GATAD2A: variants seen among roughly 807,000 people sequenced by gnomAD.
GATAD2A encodes the protein GATA zinc finger domain containing 2A.
GATAD2A carries 12 observed loss-of-function variants against 68.5 expected under a neutral mutation model. That is an observed-to-expected ratio of 0.18 (90% confidence interval 0.11 to 0.28). The LOEUF (loss-of-function observed/expected upper bound fraction) is 0.28. GATAD2A is among the 10% of genes least tolerant of loss of function. The pLI is 1.00. For missense variants in GATAD2A, 755 were observed against 868.5 expected, an observed-to-expected ratio of 0.87 and a Z score of 1.64; for synonymous variants, 410 against 375.3, an observed-to-expected ratio of 1.09 and a Z score of -1.07.
Position 19,471,656 on chromosome 19 carries a change from C to T in GATAD2A, c.269+6042C>T, listed in dbSNP as rs1016914391. On this transcript the variant is annotated intron_variant, in intron 2 of 11. Coordinates refer to ENST00000683918, the MANE Select transcript of GATAD2A (RefSeq NM_001384528.1). ...GTACTCTTACGGTGGCTGAATTTTGCGGTATGTAAAGTATACCTCAATATG... is the reference window on the plus strand; with the variant it reads ...GTACTCTTACGGTGGCTGAATTTTGTGGTATGTAAAGTATACCTCAATATG... Among the ~76,000 whole-genome samples the T allele has an allele frequency of 4.6e-5, 7 of 152,052 alleles. No individual in the cohort carries two copies. In the East Asian group the frequency reaches 1.2e-3, roughly 25 times the overall value.
At chr19:19,436,944 C>T (rs945511276) in intron 1 of GATAD2A, among the ~76,000 whole-genome samples, 1 of 152,138 alleles carries the variant, frequency 6.6e-6, no homozygotes, top group Admixed American at 6.6e-5. Flanking sequence ...AGGATCTTGC[C>T]GGTCACGCAG....
At position 19,492,425 on chromosome 19, in the gene GATAD2A, C is replaced by T; in HGVS notation, c.389C>T (p.Thr130Ile). 1 of 1,613,928 alleles carries T rather than the reference C, an allele frequency of 6.2e-7. No homozygotes were observed. The change falls in exon 3 of 12, where the codon ACC becomes ATC. Residue 130 changes from threonine to isoleucine, a missense_variant. Transcript: ENST00000683918. ...LTTVALKETS[T>I]EALMKSSPEE... ...ACGGTGGCCTTGAAGGAGACTAGCA[C>T]CGAGGCCCTCATGGTGAGCCACGTG...
intron 1 of GATAD2A, chr19:19,440,339 C>T: frequency 5.2e-6 from 1 of 194,048 alleles, no homozygotes; most frequent in Non-Finnish European, 1.0e-5. Flanking sequence ...GGCGCGATCT[C>T]AGCTCATTGC....
At chr19:19,464,093 G>A (rs1327778411) in intron 1 of GATAD2A, among the ~76,000 whole-genome samples, 2 of 152,200 alleles carry the variant, frequency 1.3e-5, no homozygotes, top group East Asian at 1.9e-4. Flanking sequence ...ACCTGGGACA[G>A]GCTTCCCCAG....
intron 1 of GATAD2A, among the ~76,000 whole-genome samples, chr19:19,386,458 A>T (rs1020398082): frequency 5.5e-4 from 80 of 144,150 alleles, no homozygotes; most frequent in Non-Finnish European, 9.8e-4. Context: ...CAGGCAGGGG[A>T]TCCCATCTTT....
At chr19:19,420,603 G>A (rs1025896051) in intron 1 of GATAD2A, among the ~76,000 whole-genome samples, 2 of 151,770 alleles carry the variant, frequency 1.3e-5, no homozygotes, top group African/African-American at 2.4e-5. Flanking sequence ...GCCTCCGAAA[G>A]TGCTGGGATT....
At chr19:19,464,427 C>T (rs1490223220) in intron 1 of GATAD2A, among the ~76,000 whole-genome samples, 1 of 152,212 alleles carries the variant, frequency 6.6e-6, no homozygotes, top group African/African-American at 2.4e-5. Context: ...TTTAAGAGTG[C>T]CAGTGTCCCA....
intron 1 of GATAD2A, among the ~76,000 whole-genome samples, chr19:19,409,463 T>G (rs1471342882): frequency 2.0e-5 from 3 of 152,170 alleles, no homozygotes; most frequent in African/African-American, 7.2e-5. Context: ...TGTCATAGTT[T>G]GAGGCATACA....
chr19:19,467,022 C>T (rs751454635), intron 2 of GATAD2A, among the ~76,000 whole-genome samples: 7 of 152,174 alleles, frequency 4.6e-5, no homozygotes, highest in African/African-American at 7.2e-5. Flanking sequence ...CTCCTGTAAT[C>T]ACCATGTTCC....
rs150522300 is a variant in GATAD2A, at chr19:19,505,447, C to T, written c.1878C>T (p.Ser626=). The T allele has an allele frequency of 3.1e-6, 5 of 1,606,786 alleles. No homozygotes were observed. Among genetic ancestry groups the T allele is most frequent in the African/African-American group, 2.7e-5 (2 of 74,554 alleles). ...EYLLDMIPPR[S]IPQSATWK ...TCCTGGACATGATCCCACCCCGCTCCATCCCCCAGTCAGCCACGTGGAAAT... is the reference window on the plus strand; with the variant it reads ...TCCTGGACATGATCCCACCCCGCTCTATCCCCCAGTCAGCCACGTGGAAAT... The change falls in exon 12 of 12, where the codon TCC becomes TCT. Residue 626 remains serine (S), a synonymous_variant. Transcript: ENST00000683918.
chr19:19,403,310 T>A (rs1172840346), upstream of GATAD2A, among the ~76,000 whole-genome samples: 1 of 152,228 alleles, frequency 6.6e-6, no homozygotes, highest in East Asian at 1.9e-4. Context: ...AACCTGAGCC[T>A]ATGGGACCCC....
At chr19:19,496,949 C>G (rs1378902234) in intron 7 of GATAD2A, among the ~76,000 whole-genome samples, 1 of 152,230 alleles carries the variant, frequency 6.6e-6, no homozygotes, top group African/African-American at 2.4e-5. Context: ...GTGTCCCTGC[C>G]TGCTTTCGAA....
At chr19:19,467,169 A>G (rs2057933538) in intron 2 of GATAD2A, among the ~76,000 whole-genome samples, 1 of 152,136 alleles carries the variant, frequency 6.6e-6, no homozygotes, top group South Asian at 2.1e-4. Context: ...AGGTCAGGAG[A>G]TTGAGACCAT....
At chr19:19,453,823 C>A (rs1428794571) in intron 1 of GATAD2A, among the ~76,000 whole-genome samples, 1 of 151,808 alleles carries the variant, frequency 6.6e-6, no homozygotes, top group Non-Finnish European at 1.5e-5. Flanking sequence ...GCCACCACAC[C>A]TGGCTAATTT....
chr19:19,481,532 C>T (rs1438681996), intron 2 of GATAD2A, among the ~76,000 whole-genome samples: 1 of 151,912 alleles, frequency 6.6e-6, no homozygotes, highest in African/African-American at 2.4e-5. Flanking sequence ...CACTGTGTTG[C>T]CCAGGCTGGT....
intron 1 of GATAD2A, among the ~76,000 whole-genome samples, chr19:19,414,836 CCTTTTTTT>C (rs1166395890): frequency 2.4e-5 from 3 of 127,400 alleles, no homozygotes; most frequent in Admixed American, 7.5e-5. Context: ...CACCCTGCCC[CCTTTTTTT>C]TTTTTTTTTT....
intron 1 of GATAD2A, among the ~76,000 whole-genome samples, chr19:19,456,302 G>A (rs903056774): frequency 2.0e-5 from 3 of 152,122 alleles, no homozygotes; most frequent in African/African-American, 7.2e-5. Flanking sequence ...GTCCCCTCGG[G>A]GTCCCGCATG....
intron 1 of GATAD2A, among the ~76,000 whole-genome samples, chr19:19,416,228 T>A (rs1246705161): frequency 6.6e-6 from 1 of 152,172 alleles, no homozygotes; most frequent in Admixed American, 6.5e-5. Flanking sequence ...AAATATCAGG[T>A]CCTGCACTGG....
At chr19:19,432,959 C>T (rs1042958430) in intron 1 of GATAD2A, among the ~76,000 whole-genome samples, 2 of 152,156 alleles carry the variant, frequency 1.3e-5, no homozygotes, top group Non-Finnish European at 2.9e-5. Flanking sequence ...AGTGGTTGGG[C>T]TCCAGATATA....
Sources: allele counts gnomAD v4.1 joint callset (sites outside exome capture counted in the v4.1 genomes callset), GRCh38; gene constraint gnomAD v4.1.1; transcripts MANE v1.5; gene names NCBI Gene and HGNC (gene_info 2026-07-23, HGNC 2026-07-21).